The following CGNL1 variants were observed in gnomAD, a reference collection of about 807,000 sequenced individuals.
CGNL1 encodes cingulin-like protein 1.
In CGNL1, 132 loss-of-function variants were observed where a neutral mutation model predicts 141.2. That is an observed-to-expected ratio of 0.93 (90% CI 0.81 to 1.08). CGNL1 has a LOEUF of 1.08. Among genes scored for constraint, CGNL1 ranks in the 50% least tolerant of loss-of-function variants. The pLI, the probability that CGNL1 is intolerant of heterozygous loss-of-function variation, is 0.00. For missense variants in CGNL1, 1,870 were observed against 1,588.6 expected (o/e 1.18, Z -3.01); for synonymous variants, 690 against 622.1 (o/e 1.11, Z -1.63).
chr15:57,510,884 A>G (rs573593084), intron 8 of CGNL1, among the ~76,000 whole-genome samples: 1 of 152,254 alleles, frequency 6.6e-6, no homozygotes, highest in East Asian at 1.9e-4. Context: ...AGTTGGCGCT[A>G]TGCTCTGTTT....
intron 7 of CGNL1, among the ~76,000 whole-genome samples, chr15:57,456,504 A>T (rs1338358819): frequency 6.6e-6 from 1 of 151,772 alleles, no homozygotes; most frequent in African/African-American, 2.4e-5. Flanking sequence ...AAAAAAAAAT[A>T]AATAAAACAG....
chr15:57,513,986 C>T (rs1219736589), intron 8 of CGNL1, among the ~76,000 whole-genome samples: 4 of 152,196 alleles, frequency 2.6e-5, no homozygotes, highest in South Asian at 4.1e-4. Flanking sequence ...TCTAAACTCT[C>T]CCCAATACTT....
chr15:57,547,805 T>C lies in CGNL1; in HGVS notation c.*315T>C. The stretch of plus-strand genomic sequence containing the variant: ...TATTTGCATTGCTGTCCCTGCCCCC[T>C]CATCACTCCCCCTGCCAAGACAAAG... On this transcript the variant is annotated 3_prime_UTR_variant, in exon 19 of 19. Transcript: ENST00000281282. 2 of 296,394 alleles carry C rather than the reference T, an allele frequency of 6.7e-6. No individual in the cohort carries two copies. The allele number at this position is 296,394 out of a possible 1,614,324, so 18.4% of individuals were successfully genotyped here. A position where few individuals can be genotyped will look rare whatever the true frequency, so the allele number is the denominator to read the frequency against.
intron 8 of CGNL1, among the ~76,000 whole-genome samples, chr15:57,472,629 G>T (rs771993555): frequency 1.6e-4 from 24 of 152,098 alleles, no homozygotes; most frequent in Non-Finnish European, 3.2e-4. Flanking sequence ...TTTTTAAAGG[G>T]ATTATTACCT....
At chr15:57,536,084 T>C (rs941972116) in intron 14 of CGNL1, among the ~76,000 whole-genome samples, 7 of 152,190 alleles carry the variant, frequency 4.6e-5, no homozygotes, top group Non-Finnish European at 8.8e-5. Context: ...CTCACAATCA[T>C]GGCAGAAGGC....
intron 1 of CGNL1, chr15:57,407,414 A>G (rs2062735716): frequency 6.6e-6 from 1 of 152,188 alleles, no homozygotes; most frequent in South Asian, 2.1e-4. Flanking sequence ...TAATTCCAGC[A>G]CTTTGGAAGG....
At position 57,439,432 on chromosome 15, in the gene CGNL1, A is replaced by T. The variant is rs138409850; in HGVS notation, c.1433A>T (p.Glu478Val). Residue 478 changes from glutamate (E) to valine (V), a missense_variant, in exon 2 of 19, where the codon GAA (glutamate) becomes GTA (valine). Coordinates refer to ENST00000281282, the MANE Select transcript of CGNL1 (RefSeq NM_032866.5). ...GTTCTGGAAACCGAAGGTAGTCAGGAAAGTACAGTGATCCGTGCGCCCTCC... is the reference window on the plus strand; with the variant it reads ...GTTCTGGAAACCGAAGGTAGTCAGGTAAGTACAGTGATCCGTGCGCCCTCC... ...GKVLETEGSQ[E>V]STVIRAPSLG... 13 of 1,614,064 alleles carry T rather than the reference A, an allele frequency of 8.1e-6. No homozygotes were observed. The African/African-American group carries it at 1.7e-4, about 22-fold the overall frequency.
intron 1 of CGNL1, among the ~76,000 whole-genome samples, chr15:57,423,253 C>T (rs2062936247): frequency 1.3e-5 from 2 of 152,106 alleles, no homozygotes; most frequent in Non-Finnish European, 2.9e-5. Context: ...AAGTAATAGT[C>T]CATAAAATTA....
intron 8 of CGNL1, among the ~76,000 whole-genome samples, chr15:57,510,870 G>A (rs2030233694): frequency 6.6e-6 from 1 of 152,092 alleles, no homozygotes; most frequent in African/African-American, 2.4e-5. Context: ...AACTGGCGTG[G>A]GAGAGTTGGC....
At chr15:57,504,015 A>G (rs1430027560) in intron 8 of CGNL1, among the ~76,000 whole-genome samples, 1 of 152,132 alleles carries the variant, frequency 6.6e-6, no homozygotes, top group Non-Finnish European at 1.5e-5. Flanking sequence ...CCTGCGTGGC[A>G]TTGTGCTGAG....
At chr15:57,400,338 C>T (rs2062646279) in intron 1 of CGNL1, among the ~76,000 whole-genome samples, 1 of 152,192 alleles carries the variant, frequency 6.6e-6, no homozygotes, top group Non-Finnish European at 1.5e-5. Flanking sequence ...CTGTCACTTT[C>T]TGTAACTGAT....
chr15:57,424,144 G>A (rs1319424843), intron 1 of CGNL1, among the ~76,000 whole-genome samples: 1 of 152,188 alleles, frequency 6.6e-6, no homozygotes, highest in Non-Finnish European at 1.5e-5. Flanking sequence ...GTCTCCCACT[G>A]GGCTCTGGCC....
In CGNL1 at chr15:57,538,466, CTT is replaced by C. The variant is rs147110784; in HGVS notation, c.3292-5224_3292-5223del. On this transcript the variant is annotated intron_variant, in intron 14 of 18. Coordinates refer to ENST00000281282, the MANE Select transcript of CGNL1 (RefSeq NM_032866.5). ...GGCTATGGTGGGGGATAAATAATTC[CTT>C]TTTTTGCCCCCCTTTGGAGAGTCAC... is the stretch of plus-strand genomic sequence containing the variant. Among the ~76,000 whole-genome samples the C allele has an allele frequency of 5.3e-5, 8 of 152,182 alleles. No individual in the cohort carries two copies. The East Asian group carries it at 7.7e-4, about 15-fold the overall frequency.
At chr15:57,382,660 G>C (rs1435303940) in intron 1 of CGNL1, among the ~76,000 whole-genome samples, 1 of 152,042 alleles carries the variant, frequency 6.6e-6, no homozygotes, top group African/African-American at 2.4e-5. Flanking sequence ...TTTTCCCTTA[G>C]TTTTCTATCT....
chr15:57,541,365 T>G (rs1595814981), intron 14 of CGNL1, among the ~76,000 whole-genome samples: 1 of 152,340 alleles, frequency 6.6e-6, no homozygotes, highest in African/African-American at 2.4e-5. Context: ...TCTGCTGACC[T>G]CCATGTGTGA....
At chr15:57,403,009 G>C (rs1421454943) in intron 1 of CGNL1, among the ~76,000 whole-genome samples, 3 of 152,198 alleles carry the variant, frequency 2.0e-5, no homozygotes, top group Non-Finnish European at 4.4e-5. Context: ...GAATCTCCTA[G>C]AGAAACTGGA....
chr15:57,414,881 T>C (rs1483923708), intron 1 of CGNL1, among the ~76,000 whole-genome samples: 1 of 152,216 alleles, frequency 6.6e-6, no homozygotes, highest in Non-Finnish European at 1.5e-5. Context: ...TTGCATTGTC[T>C]ATGTTTCCGA....
At chr15:57,544,626 G>C in intron 16 of CGNL1, 29 bp downstream of exon 16, 1 of 1,555,192 alleles carries the variant, frequency 6.4e-7, no homozygotes, top group Non-Finnish European at 8.7e-7. Context: ...CTGCAGTGCG[G>C]AGGCCCCAGT....
At chr15:57,480,271 A>C (rs758211677) in intron 8 of CGNL1, among the ~76,000 whole-genome samples, 3 of 151,932 alleles carry the variant, frequency 2.0e-5, no homozygotes, top group Non-Finnish European at 4.4e-5. Flanking sequence ...TAATCTTAGC[A>C]CTTTGGGAGG....
Sources: gnomAD v4.1 joint callset for allele counts (sites outside exome capture counted in the v4.1 genomes callset) on GRCh38, gnomAD v4.1.1 for gene constraint, MANE v1.5 for transcripts, NCBI Gene and HGNC (gene_info 2026-07-23, HGNC 2026-07-21) for gene names.